Variants in SMG1 observed in about 807,000 individuals in gnomAD.
The protein encoded by SMG1 is serine/threonine-protein kinase SMG1.
A neutral mutation model predicts 419.9 loss-of-function variants in SMG1; 22 were observed. That is an observed-to-expected ratio of 0.05 (90% CI 0.04 to 0.07). SMG1 has a LOEUF of 0.07. SMG1 is among the 10% of genes least tolerant of loss of function. SMG1 has a pLI of 1.00. For missense variants in SMG1, 3,185 were observed against 4,342.0 expected, an observed-to-expected ratio of 0.73 and a Z score of 7.49; for synonymous variants, 1,538 against 1,553.5, an observed-to-expected ratio of 0.99 and a Z score of 0.23.
intron 30 of SMG1, 27 bp downstream of exon 30, chr16:18,854,629 G>A (rs748387059): frequency 2.3e-5 from 36 of 1,589,834 alleles, no homozygotes; most frequent in Non-Finnish European, 3.1e-5. Context: ...TTATACTCAT[G>A]TATTAACCAT....
At position 18,829,461 on chromosome 16, in the gene SMG1, T is replaced by A; in HGVS notation, c.9428A>T (p.Glu3143Val). The change falls in exon 54 of 63, where the codon GAA (glutamate) becomes GTA (valine). Residue 3143 changes from glutamate to valine, a missense_variant. Physicochemically the swap from Glu to Val is moderately radical, Grantham distance 121. Transcript: ENST00000446231. ...GAACTTCCCTATCTGGATGTTATGT[T>A]CCACCGCTTTCTTACAGAGATCATC... ...SVDDLCKKAV[E>V]HNIQIGKFSQ... The A allele has an allele frequency of 6.2e-7, 1 of 1,614,046 alleles. No homozygotes were observed. The highest frequency in any genetic ancestry group is 1.1e-5 in the South Asian group (1 of 91,084).
Position 18,877,063 on chromosome 16 carries a change from T to C in SMG1, c.1620+68A>G. 5 of 1,099,808 alleles carry C rather than the reference T, an allele frequency of 4.5e-6. No individual in the cohort carries two copies. In the South Asian group the frequency reaches 5.4e-5, roughly 12 times the overall value. The allele number at this position is 1,099,808 out of a possible 1,614,324, so 68.1% of individuals were successfully genotyped here. A position where few individuals can be genotyped will look rare whatever the true frequency, so the allele number is the denominator to read the frequency against. Reference sequence around the variant, plus strand: ...ACTCAATTTCACTTATACAGCCTGGTAAGCAACATTAGGTCCAACTCTTCA... The same window carrying C: ...ACTCAATTTCACTTATACAGCCTGGCAAGCAACATTAGGTCCAACTCTTCA... On this transcript the variant is annotated intron_variant, in intron 12 of 62. Transcript: ENST00000446231.
At chr16:18,864,195 T>C (rs1274114273) in intron 23 of SMG1, 51 bp from the exon 24 acceptor site, 1,630 of 1,353,664 alleles carry the variant, frequency 1.2e-3, no homozygotes, top group Middle Eastern at 2.2e-3. Context: ...TACTTTTTTT[T>C]TTTTTTTTTT....
intron 3 of SMG1, 115 bp from the exon 4 acceptor site, chr16:18,892,469 C>A (rs1270222423): frequency 2.5e-6 from 2 of 804,346 alleles, no homozygotes; most frequent in Admixed American, 2.8e-5. Flanking sequence ...GTGGCTCATG[C>A]CTGTAATCCC....
At position 18,838,530 on chromosome 16, in the gene SMG1, TAA is replaced by T; in HGVS notation, c.7084+19_7084+20del. 1 of 1,613,920 alleles carries T rather than the reference TAA, an allele frequency of 6.2e-7. No individual in the cohort carries two copies. Among genetic ancestry groups the T allele is most frequent in the East Asian group, 2.2e-5 (1 of 44,872 alleles). ...AAAAAACATTTGGCCCTCATAAATG[TAA>T]AGTCTACTTTTATATTACCTTTTTC... On this transcript the variant is annotated intron_variant, in intron 43 of 62. Transcript: ENST00000446231.
chr16:18,867,991 AG>A (rs2035616221), intron 22 of SMG1, among the ~76,000 whole-genome samples, 198 bp downstream of exon 22: 1 of 152,090 alleles, frequency 6.6e-6, no homozygotes, highest in Non-Finnish European at 1.5e-5. Context: ...TACAGGCGTG[AG>A]CCACCGCGCC....
chr16:18,876,982 C>T (rs903415878), intron 12 of SMG1, 149 bp downstream of exon 12: 5 of 560,538 alleles, frequency 8.9e-6, no homozygotes, highest in African/African-American at 3.8e-5. Context: ...TCAAGAAATA[C>T]AAACTTAAAA....
chr16:18,914,500 C>T (rs768358980), intron 1 of SMG1, among the ~76,000 whole-genome samples: 6 of 151,762 alleles, frequency 4.0e-5, no homozygotes, highest in African/African-American at 1.2e-4. Flanking sequence ...CTGGCCAAGA[C>T]GGTGAAACCC....
chr16:18,906,736 A>G (rs1193600436), intron 1 of SMG1, among the ~76,000 whole-genome samples: 2 of 152,172 alleles, frequency 1.3e-5, no homozygotes, highest in African/African-American at 4.8e-5. Context: ...CAGCCAAACT[A>G]AAGTTGTCTA....
chr16:18,919,653 TATATACACACAC>T (rs899145142), intron 1 of SMG1, among the ~76,000 whole-genome samples: 7 of 77,080 alleles, frequency 9.1e-5, no homozygotes, highest in African/African-American at 4.3e-4. Flanking sequence ...TGTGTGTGTA[TATATACACACAC>T]ACACACACAC....
At chr16:18,855,760 C>G (rs2034865294) in intron 29 of SMG1, among the ~76,000 whole-genome samples, 1 of 152,146 alleles carries the variant, frequency 6.6e-6, no homozygotes, top group Non-Finnish European at 1.5e-5. Flanking sequence ...ACTTAGGTCC[C>G]TTTGACCCCA....
Position 18,870,664 on chromosome 16 carries a change from A to G in SMG1, c.2438T>C (p.Ile813Thr). 6.2e-7 allele frequency: 1 copy of G among 1,608,768 alleles called. No homozygotes were observed. The highest frequency in any genetic ancestry group is 8.5e-7 in the Non-Finnish European group (1 of 1,178,294). Residue 813 changes from isoleucine (I) to threonine (T), a missense_variant, in exon 18 of 63, where the codon ATT becomes ACT. By Grantham distance (89) the Ile-to-Thr change is moderately conservative. Around this residue, in one of 27 missense-constraint regions of SMG1, gnomAD observed 297 missense variants for 491.0 expected, o/e 0.60. Transcript: ENST00000446231. The part of the protein sequence containing the change: ...RVQLVHSGTR[I>T]RQAFGKLLKS... ...CAACAGTTTTCCAAATGCTTGTCGAATACGAGTTCCACTGTGCACTAGTTG... is the reference window on the plus strand; with the variant it reads ...CAACAGTTTTCCAAATGCTTGTCGAGTACGAGTTCCACTGTGCACTAGTTG...
chr16:18,921,579 T>C (rs62047592), intron 1 of SMG1, among the ~76,000 whole-genome samples: 13,506 of 152,172 alleles, frequency 0.089, 746 homozygotes, highest in African/African-American at 0.16. Context: ...GGTGTGAAAG[T>C]AATTGCGGTT....
At chr16:18,908,476 CAAAA>C (rs59890240) in intron 1 of SMG1, among the ~76,000 whole-genome samples, 1 of 83,704 alleles carries the variant, frequency 1.2e-5, no homozygotes, top group Non-Finnish European at 2.3e-5. Context: ...GACTCCGTCT[CAAAA>C]AAAAAAAAAA....
At chr16:18,887,168 ATT>A (rs2036645589) in intron 6 of SMG1, among the ~76,000 whole-genome samples, 2 of 152,164 alleles carry the variant, frequency 1.3e-5, no homozygotes, top group South Asian at 4.1e-4. Flanking sequence ...ATTTACAGGT[ATT>A]TATTTAATAC....
In SMG1 at chr16:18,878,150, T is replaced by C. The variant is rs554979205; in HGVS notation, c.1519-918A>G. The stretch of plus-strand genomic sequence containing the variant: ...CGGGCGCGGTGGCTCACGCCTGTAA[T>C]CTCAGCACTTTGGGAGGCCAAGGCA... On this transcript the variant is annotated intron_variant, in intron 11 of 62. Transcript: ENST00000446231. 3.3e-5 allele frequency: 5 copies of C among 152,268 alleles called. No homozygotes were observed. The East Asian group carries it at 7.7e-4, about 24-fold the overall frequency. The allele number at this position is 152,268 out of a possible 1,614,324, so 9.4% of individuals were successfully genotyped here. A position where few individuals can be genotyped will look rare whatever the true frequency, so the allele number is the denominator to read the frequency against.
intron 24 of SMG1, 31 bp from the exon 25 acceptor site, chr16:18,863,882 A>G (rs760644731): frequency 2.2e-5 from 35 of 1,590,308 alleles, no homozygotes; most frequent in Non-Finnish European, 2.9e-5. Flanking sequence ...AAGAAGAGAG[A>G]GATTCAGATC....
chr16:18,849,069 CAAAAAAAAAAAAAAAAAAAAAAAA>C lies in SMG1; in HGVS notation c.5623+124_5623+147del, dbSNP rs58373081. ...TGGGTGACAGAGTGAGACTCCATCT[CAAAAAAAAAAAAAAAAAAAAAAAA>C]AAAAAAAAAAAAACCCTACAAACTC... On this transcript the variant is annotated intron_variant, in intron 36 of 62. Transcript: ENST00000446231. 2.6e-4 allele frequency: 30 copies of C among 114,046 alleles called. 1 individual carries two copies. The highest frequency in any genetic ancestry group is 2.9e-4 in the Non-Finnish European group (21 of 72,310). 7.1% of individuals were successfully genotyped at this position (114,046 alleles called of 1,614,324 possible). A position where few individuals can be genotyped will look rare whatever the true frequency, so the allele number is the denominator to read the frequency against.
intron 1 of SMG1, among the ~76,000 whole-genome samples, chr16:18,924,284 C>T (rs2038306766): frequency 1.3e-5 from 2 of 152,198 alleles, no homozygotes; most frequent in African/African-American, 4.8e-5. Context: ...GGCTTCATAC[C>T]TGTCAGCAAT....
Sources: allele counts gnomAD v4.1 joint callset (sites outside exome capture counted in the v4.1 genomes callset), GRCh38; gene constraint gnomAD v4.1.1; regional missense constraint gnomAD v4.1.1; transcripts MANE v1.5; gene names NCBI Gene and HGNC (gene_info 2026-07-23, HGNC 2026-07-21).